The following KMT2C variants were observed in gnomAD, a reference collection of about 807,000 sequenced individuals.
KMT2C encodes the protein histone-lysine N-methyltransferase 2C.
In KMT2C, 88 loss-of-function variants were observed where a neutral mutation model predicts 507.9. The ratio of observed to expected loss-of-function variants is 0.17; its 90% CI spans 0.15 to 0.21. KMT2C has a LOEUF of 0.21. Ranked by LOEUF, KMT2C falls within the 10% of genes least tolerant of loss-of-function variation. KMT2C has a pLI of 1.00. For synonymous variants in KMT2C, 2,049 were observed against 2,080.8 expected, an observed-to-expected ratio of 0.98 and a Z score of 0.42; for missense variants, 4,954 against 5,957.8, an observed-to-expected ratio of 0.83 and a Z score of 5.55.
chr7:152,234,674 G>A (rs1305662346), intron 16 of KMT2C, among the ~76,000 whole-genome samples: 1 of 152,112 alleles, frequency 6.6e-6, no homozygotes, highest in South Asian at 2.1e-4. Context: ...GCCAAGGTGG[G>A]AAAACTGCTT....
intron 49 of KMT2C, among the ~76,000 whole-genome samples, chr7:152,152,047 G>A (rs893232684): frequency 2.6e-5 from 4 of 152,200 alleles, no homozygotes; most frequent in Admixed American, 1.3e-4. Context: ...TAAGGACTCA[G>A]GAATTAGAAA....
Position 152,431,194 on chromosome 7 carries a change from A to G in KMT2C, c.161+4432T>C, listed in dbSNP as rs2097859373. 2.0e-5 allele frequency among the ~76,000 whole-genome samples: 3 copies of G among 152,186 alleles called. No homozygotes were observed. The South Asian group carries it at 6.2e-4, about 32-fold the overall frequency. ...TTATCAAGTTTACATATTAGTAACC[A>G]ATATGTAAATTGGTAAGTTTACATA... On this transcript the variant is annotated intron_variant, in intron 1 of 58. Transcript: ENST00000262189.
intron 6 of KMT2C, among the ~76,000 whole-genome samples, chr7:152,299,887 G>A (rs1197444596): frequency 6.6e-6 from 1 of 151,996 alleles, no homozygotes; most frequent in Non-Finnish European, 1.5e-5. Context: ...TAAAATAAAA[G>A]AATGGAATAA....
At chr7:152,335,163 C>T (rs1387266413) in intron 2 of KMT2C, among the ~76,000 whole-genome samples, 2 of 152,170 alleles carry the variant, frequency 1.3e-5, no homozygotes, top group African/African-American at 4.8e-5. Flanking sequence ...AAAGGGTATT[C>T]TGTGTTGCCT....
chr7:152,396,399 G>A (rs2097538350), intron 1 of KMT2C, among the ~76,000 whole-genome samples: 1 of 152,150 alleles, frequency 6.6e-6, no homozygotes, highest in East Asian at 1.9e-4. Context: ...TTGTTGTGAG[G>A]ATTAAATAAA....
At position 152,187,809 on chromosome 7, in the gene KMT2C, C is replaced by T. The variant is rs1179277125; in HGVS notation, c.4699G>A (p.Gly1567Arg). The change falls in exon 32 of 59, where the codon GGA becomes AGA. Residue 1567 changes from glycine to arginine, a missense_variant. Around this residue, in one of 29 missense-constraint regions of KMT2C, gnomAD observed 195 missense variants for 183.7 expected, o/e 1.06. Transcript: ENST00000262189. The part of the protein sequence containing the change: ...SRMPLMNGLI[G>R]SSPHLPHNSL... ...TTATGTGGGAGATGAGGACTGGATC[C>T]AATAAGGCCATTCATGAGAGGCATC... 2.5e-6 allele frequency: 4 copies of T among 1,613,670 alleles called. No homozygotes were observed. In the South Asian group the frequency reaches 4.4e-5, roughly 18 times the overall value.
chr7:152,143,933 G>A (rs901849722), intron 55 of KMT2C, among the ~76,000 whole-genome samples: 1 of 152,200 alleles, frequency 6.6e-6, no homozygotes. Context: ...AGTGGTACAG[G>A]CAAGTGATAT....
At position 152,349,349 on chromosome 7, in the gene KMT2C, C is replaced by T. The variant is rs546134926; in HGVS notation, c.250+9238G>A. Among the ~76,000 whole-genome samples, 334 of 151,844 alleles carry T rather than the reference C, an allele frequency of 2.2e-3. 3 individuals carry two copies. Among genetic ancestry groups the T allele is most frequent in the Middle Eastern group, 0.01 (3 of 294 alleles). Reference sequence around the variant, plus strand: ...ATACCAGCTACTCGGGAGGCTGAGACGGGAGAATCACTTGAAACCGGGAGG... The same window carrying T: ...ATACCAGCTACTCGGGAGGCTGAGATGGGAGAATCACTTGAAACCGGGAGG... On this transcript the variant is annotated intron_variant, in intron 2 of 58. Coordinates refer to ENST00000262189, the MANE Select transcript of KMT2C (RefSeq NM_170606.3).
At chr7:152,426,830 A>T (rs1337773828) in intron 1 of KMT2C, among the ~76,000 whole-genome samples, 1 of 152,248 alleles carries the variant, frequency 6.6e-6, no homozygotes, top group Non-Finnish European at 1.5e-5. Flanking sequence ...AAGGTCAAAC[A>T]GCTAATATGT....
At chr7:152,231,364 A>G (rs546153967) in intron 16 of KMT2C, among the ~76,000 whole-genome samples, 17 of 152,280 alleles carry the variant, frequency 1.1e-4, no homozygotes, top group Non-Finnish European at 2.4e-4. Flanking sequence ...ATCATAAAAT[A>G]CAATCCTCTT....
At chr7:152,268,496 A>AT (rs1167801844) in intron 7 of KMT2C, among the ~76,000 whole-genome samples, 3 of 152,186 alleles carry the variant, frequency 2.0e-5, no homozygotes, top group Admixed American at 2.0e-4. Context: ...TATTGAACAT[A>AT]TTTTAAGTGA....
chr7:152,347,079 G>C (rs1363580729), intron 2 of KMT2C, among the ~76,000 whole-genome samples: 2 of 152,120 alleles, frequency 1.3e-5, no homozygotes, highest in South Asian at 2.1e-4. Flanking sequence ...AGCCAAGATC[G>C]TGCCACTGCA....
At chr7:152,342,011 G>A (rs1193166117) in intron 2 of KMT2C, among the ~76,000 whole-genome samples, 2 of 152,138 alleles carry the variant, frequency 1.3e-5, no homozygotes, top group African/African-American at 2.4e-5. Context: ...ACCAAAAGGC[G>A]CTGAAGTAAA....
Position 152,182,525 on chromosome 7 carries a change from C to T in KMT2C, c.5335G>A (p.Glu1779Lys). ...TGCTGTTGTTGCTGCTGCTGCTGCTCATTTTTCACCTGTTCAAGTTTCTGT... is the reference window on the plus strand; with the variant it reads ...TGCTGTTGTTGCTGCTGCTGCTGCTTATTTTTCACCTGTTCAAGTTTCTGT... ...ATQKLEQVKNEQQQQQQQQFG... is the reference protein window; with the variant it reads ...ATQKLEQVKNKQQQQQQQQFG... Residue 1779 changes from glutamate (E) to lysine (K), a missense_variant, in exon 36 of 59, where the codon GAG becomes AAG. Glu to Lys is a moderately conservative substitution (Grantham distance 56). Coordinates refer to ENST00000262189, the MANE Select transcript of KMT2C (RefSeq NM_170606.3). 1.2e-6 allele frequency: 2 copies of T among 1,612,858 alleles called. No individual in the cohort carries two copies. Among genetic ancestry groups the T allele is most frequent in the Non-Finnish European group, 1.7e-6 (2 of 1,179,392 alleles).
At position 152,176,547 on chromosome 7, in the gene KMT2C, A is replaced by T. The variant is rs1587944085; in HGVS notation, c.8906T>A (p.Met2969Lys). 1 of 1,614,188 alleles carries T rather than the reference A, an allele frequency of 6.2e-7. No individual in the cohort carries two copies. The highest frequency in any genetic ancestry group is 8.5e-7 in the Non-Finnish European group (1 of 1,180,038). The stretch of plus-strand genomic sequence containing the variant: ...AGAGACTACTGTCACATTAGAATTC[A>T]TGGCATTATCCAAAACACGGCCAGG... ...APPGRVLDNA[M>K]NSNVTVVSRV... Residue 2969 changes from methionine (M) to lysine (K), a missense_variant, in exon 38 of 59, where the codon ATG becomes AAG. By Grantham distance (95) the Met-to-Lys change is moderately conservative. This residue lies in a region of KMT2C where 1,689 missense variants were observed against 1,654.3 expected (regional missense o/e 1.02). Coordinates refer to ENST00000262189, the MANE Select transcript of KMT2C (RefSeq NM_170606.3).
At position 152,163,104 on chromosome 7, in the gene KMT2C, T is replaced by A. The variant is rs1233373111; in HGVS notation, c.10473A>T (p.Gly3491=). The A allele has an allele frequency of 4.3e-6, 7 of 1,614,238 alleles. No homozygotes were observed. The highest frequency in any genetic ancestry group is 5.9e-6 in the Non-Finnish European group (7 of 1,180,046). ...QVLQQQNIQQ[G]SINSPSTQTF... ...TTTGGGTGGAGGGTGAATTAATTGA[T>A]CCTTGTTGTATATTCTGCTGCTGTA... The change falls in exon 43 of 59, where the codon GGA becomes GGT. Residue 3491 remains glycine, a synonymous_variant. Transcript: ENST00000262189.
chr7:152,301,169 C>A (rs544942563), intron 6 of KMT2C, among the ~76,000 whole-genome samples: 1 of 150,704 alleles, frequency 6.6e-6, no homozygotes, highest in Non-Finnish European at 1.5e-5. Flanking sequence ...TGAGACCAAC[C>A]TGGAAAACAG....
chr7:152,389,330 G>A lies in KMT2C; in HGVS notation c.162-30655C>T, dbSNP rs890478505. Reference sequence around the variant, plus strand: ...CAGTGAGCAGAGATCGTGCAGCCTGGTGACAGAGTGAGACTCCGTCTCAAA... The same window carrying A: ...CAGTGAGCAGAGATCGTGCAGCCTGATGACAGAGTGAGACTCCGTCTCAAA... On this transcript the variant is annotated intron_variant, in intron 1 of 58. Coordinates refer to ENST00000262189, the MANE Select transcript of KMT2C (RefSeq NM_170606.3). Among the ~76,000 whole-genome samples, 22 of 142,676 alleles carry A rather than the reference G, an allele frequency of 1.5e-4. 1 individual carries two copies. Among genetic ancestry groups the A allele is most frequent in the Admixed American group, 1.5e-3 (21 of 14,120 alleles). The allele number at this position is 142,676 out of a possible 152,430, so 93.6% of individuals were successfully genotyped here.
chr7:152,161,687 T>A (rs1165592361), intron 43 of KMT2C, among the ~76,000 whole-genome samples: 2 of 152,204 alleles, frequency 1.3e-5, no homozygotes, highest in South Asian at 4.1e-4. Context: ...AACCACACAA[T>A]AGCTTCCCAG....
Sources: gnomAD v4.1 joint callset for allele counts (sites outside exome capture counted in the v4.1 genomes callset) on GRCh38, gnomAD v4.1.1 for gene constraint, gnomAD v4.1.1 regional missense constraint, MANE v1.5 for transcripts, NCBI Gene and HGNC (gene_info 2026-07-23, HGNC 2026-07-21) for gene names.